MYO16: variants seen among roughly 807,000 people sequenced by gnomAD.
The protein encoded by MYO16 is unconventional myosin-XVI.
Under a neutral mutation model 205.3 loss-of-function variants are expected in MYO16, and 94 were observed. The observed-to-expected ratio is 0.46, with a 90% CI of 0.39 to 0.54. The LOEUF (loss-of-function observed/expected upper bound fraction) is 0.54. MYO16 is among the 20% of genes least tolerant of loss of function. The probability of loss-of-function intolerance (pLI) is 0.00; values close to 1 mark genes in which losing one functional copy is unlikely to be tolerated. For synonymous variants in MYO16, 988 were observed against 954.0 expected, an observed-to-expected ratio of 1.04 and a Z score of -0.66; for missense variants, 2,315 against 2,387.5, an observed-to-expected ratio of 0.97 and a Z score of 0.63.
chr13:108,788,338 A>G (rs1886517808), intron 5 of MYO16, among the ~76,000 whole-genome samples: 1 of 152,124 alleles, frequency 6.6e-6, no homozygotes, highest in Non-Finnish European at 1.5e-5. Context: ...GAAATGAGAC[A>G]ACCACGGAGA....
At chr13:108,654,085 A>G (rs1881135074) in intron 1 of MYO16, among the ~76,000 whole-genome samples, 2 of 146,156 alleles carry the variant, frequency 1.4e-5, no homozygotes, top group African/African-American at 2.5e-5. Flanking sequence ...CTCAGTGACT[A>G]TGGCTTATGG....
rs1372459159 is a variant in MYO16, at chr13:109,174,379, T to C, written c.5324-5163T>C. 5.3e-5 allele frequency among the ~76,000 whole-genome samples: 8 copies of C among 152,134 alleles called. 1 individual carries two copies. The highest frequency in any genetic ancestry group is 5.2e-4 in the Admixed American group (8 of 15,268). On this transcript the variant is annotated intron_variant, in intron 33 of 34. Coordinates refer to ENST00000457511, the MANE Select transcript of MYO16 (RefSeq NM_001198950.3). ...AAAGAAGCTGGAGACATGGTGGTTA[T>C]TTATAGCATCAGAGGAACAATCATA...
intron 21 of MYO16, among the ~76,000 whole-genome samples, chr13:109,007,848 A>G (rs1440332838): frequency 2.6e-5 from 4 of 152,138 alleles, no homozygotes; most frequent in Admixed American, 2.6e-4. Flanking sequence ...GTTGATTACT[A>G]TTTCTGAAAG....
intron 2 of MYO16, among the ~76,000 whole-genome samples, chr13:108,708,484 C>G (rs931460986): frequency 1.2e-4 from 18 of 152,210 alleles, no homozygotes; most frequent in African/African-American, 3.9e-4. Flanking sequence ...GAAAACTTTC[C>G]CAGGTAACAC....
chr13:108,810,812 A>G (rs1018898289), intron 7 of MYO16, among the ~76,000 whole-genome samples: 1 of 152,210 alleles, frequency 6.6e-6, no homozygotes, highest in Non-Finnish European at 1.5e-5. Flanking sequence ...AAATGTAAAT[A>G]CCTTTATGGA....
At chr13:108,673,772 A>T (rs890799869) in intron 2 of MYO16, among the ~76,000 whole-genome samples, 2 of 152,082 alleles carry the variant, frequency 1.3e-5, no homozygotes, top group Non-Finnish European at 2.9e-5. Context: ...CCTGAGTTCC[A>T]GTCTTAACTT....
chr13:109,180,064 A>G (rs1879392259), intron 34 of MYO16, among the ~76,000 whole-genome samples: 1 of 152,190 alleles, frequency 6.6e-6, no homozygotes. Context: ...TATCTCAGTT[A>G]TGACATTCAT....
chr13:108,537,830 C>G, the MYO16 span, among the ~76,000 whole-genome samples: 2 of 151,834 alleles, frequency 1.3e-5, no homozygotes, highest in Non-Finnish European at 2.9e-5. Context: ...TGTTCATGTC[C>G]TTTGCCCACT....
At chr13:108,952,207 G>A (rs1883184345) in intron 16 of MYO16, among the ~76,000 whole-genome samples, 1 of 152,000 alleles carries the variant, frequency 6.6e-6, no homozygotes, top group Non-Finnish European at 1.5e-5. Context: ...CTATGGAATT[G>A]GACTACCAAA....
intron 1 of MYO16, among the ~76,000 whole-genome samples, chr13:108,636,682 G>T (rs1475275204): frequency 6.6e-6 from 1 of 151,960 alleles, no homozygotes; most frequent in African/African-American, 2.4e-5. Context: ...CTGGCCCCAA[G>T]TTGTTTTTAT....
chr13:108,735,315 T>C (rs1403219752), intron 4 of MYO16, among the ~76,000 whole-genome samples: 1 of 134,118 alleles, frequency 7.5e-6, no homozygotes, highest in East Asian at 2.5e-4. Flanking sequence ...CCTGTGTCCA[T>C]GTGTTCTCAT....
intron 4 of MYO16, among the ~76,000 whole-genome samples, chr13:108,754,205 C>T (rs1885345499): frequency 7.0e-6 from 1 of 143,634 alleles, no homozygotes; most frequent in South Asian, 2.1e-4. Flanking sequence ...CAAGCTGTAG[C>T]ATGCAAGACA....
At chr13:109,118,021 G>T (rs986332384) in intron 28 of MYO16, among the ~76,000 whole-genome samples, 2 of 152,028 alleles carry the variant, frequency 1.3e-5, no homozygotes, top group African/African-American at 4.8e-5. Context: ...CAGATGGTTT[G>T]CTGTCTTCTG....
At chr13:109,093,578 C>T (rs1367355058) in intron 27 of MYO16, among the ~76,000 whole-genome samples, 1 of 152,128 alleles carries the variant, frequency 6.6e-6, no homozygotes. Flanking sequence ...AATAAATGCT[C>T]TTCCCTGTCT....
chr13:108,798,716 T>TTTTTTTG (rs869064262), intron 6 of MYO16, among the ~76,000 whole-genome samples: 1 of 110,848 alleles, frequency 9.0e-6, no homozygotes, highest in African/African-American at 3.1e-5. Flanking sequence ...TTTTTTTTTT[T>TTTTTTTG]GAGATGGAGT....
intron 4 of MYO16, among the ~76,000 whole-genome samples, chr13:108,743,028 C>T (rs1594257429): frequency 6.6e-6 from 1 of 152,184 alleles, no homozygotes; most frequent in East Asian, 1.9e-4. Flanking sequence ...GCCACAGTTG[C>T]TAAGCTATTC....
At chr13:108,624,619 T>C (rs1170566510), upstream of MYO16, among the ~76,000 whole-genome samples, 2 of 152,216 alleles carry the variant, frequency 1.3e-5, no homozygotes, top group South Asian at 4.1e-4. Context: ...CGGATTCAAG[T>C]GAAAAACCTT....
At chr13:109,048,914 C>G (rs1887140722) in intron 24 of MYO16, 1 of 57,552 alleles carries the variant, frequency 1.7e-5, no homozygotes, top group South Asian at 8.1e-4. Context: ...CAAATACACT[C>G]ATTAGTGCCT....
Position 109,049,926 on chromosome 13 carries a change from C to CTGTGTG in MYO16, c.2873-2328_2873-2323dup, listed in dbSNP as rs35960970. Among the ~76,000 whole-genome samples the CTGTGTG allele has an allele frequency of 4.5e-3, 475 of 105,964 alleles. 7 individuals carry two copies. The highest frequency in any genetic ancestry group is 0.018 in the Middle Eastern group (4 of 220). 69.5% of individuals were successfully genotyped at this position (105,964 alleles called of 152,430 possible). ...TGTTCTCCTCTTTCCTTCCTTTGTC[C>CTGTGTG]TGTGTGTGTGTGTGTGTGTGTGTGT... On this transcript the variant is annotated intron_variant, in intron 24 of 34. Coordinates refer to ENST00000457511, the MANE Select transcript of MYO16 (RefSeq NM_001198950.3).
Sources: gnomAD v4.1 joint callset for allele counts (sites outside exome capture counted in the v4.1 genomes callset) on GRCh38, gnomAD v4.1.1 for gene constraint, MANE v1.5 for transcripts, NCBI Gene and HGNC (gene_info 2026-07-23, HGNC 2026-07-21) for gene names.